Variants in SOCS5 observed in about 807,000 individuals in gnomAD.
SOCS5 encodes the protein suppressor of cytokine signaling 5.
In SOCS5, 32 loss-of-function variants were observed where a neutral mutation model predicts 42.8. That is an observed-to-expected ratio of 0.75 (90% CI 0.56 to 1.01). The LOEUF (loss-of-function observed/expected upper bound fraction) is 1.01, where lower values mean the gene tolerates loss of function less well. SOCS5 is among the 50% of genes least tolerant of loss of function. The pLI is 0.00. For synonymous variants in SOCS5, 283 were observed against 229.6 expected (o/e 1.23, Z -2.10); for missense variants, 627 against 653.0 (o/e 0.96, Z 0.43).
chr2:46,758,261 C>G (rs2103764647), intron 1 of SOCS5, among the ~76,000 whole-genome samples: 1 of 152,306 alleles, frequency 6.6e-6, no homozygotes, highest in African/African-American at 2.4e-5. Context: ...TTTTCTTTCA[C>G]CTGAGTTCAG....
chr2:46,734,133 ATAC>A (rs1673189225), intron 1 of SOCS5, among the ~76,000 whole-genome samples: 1 of 152,148 alleles, frequency 6.6e-6, no homozygotes, highest in Admixed American at 6.5e-5. Flanking sequence ...TTTGTCTCTG[ATAC>A]TTCTGTGGAG....
intron 1 of SOCS5, among the ~76,000 whole-genome samples, chr2:46,731,759 C>T (rs1673129886): frequency 6.6e-6 from 1 of 151,870 alleles, no homozygotes; most frequent in African/African-American, 2.4e-5. Context: ...AGGCACAACC[C>T]ATAAAAGTTT....
rs141471336 is a variant in SOCS5, at chr2:46,706,316, C to G, written c.-13+6867C>G. Reference sequence around the variant, plus strand: ...GTAGAGTTGGGACTAATGTGCTAGTCTTTTGATTGTTAATCCTAGACATTT... The same window carrying G: ...GTAGAGTTGGGACTAATGTGCTAGTGTTTTGATTGTTAATCCTAGACATTT... On this transcript the variant is annotated intron_variant, in intron 1 of 1. Transcript: ENST00000394861. 3.1e-3 allele frequency among the ~76,000 whole-genome samples: 473 copies of G among 152,246 alleles called. 4 individuals carry two copies. The highest frequency in any genetic ancestry group is 0.011 in the African/African-American group (461 of 41,534).
intron 1 of SOCS5, among the ~76,000 whole-genome samples, chr2:46,742,140 A>T (rs1296652298): frequency 6.6e-6 from 1 of 152,216 alleles, no homozygotes; most frequent in Admixed American, 6.5e-5. Flanking sequence ...TCTTTGACAA[A>T]TTCCAAGAAT....
At chr2:46,714,931 C>A (rs910557425) in intron 1 of SOCS5, among the ~76,000 whole-genome samples, 1 of 151,918 alleles carries the variant, frequency 6.6e-6, no homozygotes, top group Non-Finnish European at 1.5e-5. Flanking sequence ...ATTAGTTAAT[C>A]GTGATTTGCC....
chr2:46,704,090 A>G (rs1036419241), intron 1 of SOCS5, among the ~76,000 whole-genome samples: 3 of 152,202 alleles, frequency 2.0e-5, no homozygotes, highest in African/African-American at 7.2e-5. Flanking sequence ...TTAACACCAA[A>G]ATTAAATTTA....
At chr2:46,700,613 T>C (rs1228355487) in intron 1 of SOCS5, among the ~76,000 whole-genome samples, 1 of 152,164 alleles carries the variant, frequency 6.6e-6, no homozygotes, top group Non-Finnish European at 1.5e-5. Flanking sequence ...GGGAAGGAGG[T>C]GGTAAGCTAG....
intron 1 of SOCS5, 115 bp from the exon 2 acceptor site, chr2:46,758,404 C>T (rs1399525242): frequency 1.1e-5 from 8 of 705,290 alleles, no homozygotes; most frequent in African/African-American, 5.4e-5. Context: ...CGTAGGTGAA[C>T]GCTTGGCCAG....
At chr2:46,739,952 T>C (rs1328536626) in intron 1 of SOCS5, among the ~76,000 whole-genome samples, 1 of 152,212 alleles carries the variant, frequency 6.6e-6, no homozygotes, top group Non-Finnish European at 1.5e-5. Flanking sequence ...CAGGAGGATC[T>C]CCTCTCTCAG....
chr2:46,741,049 G>C (rs566387206), intron 1 of SOCS5, among the ~76,000 whole-genome samples: 9 of 152,192 alleles, frequency 5.9e-5, no homozygotes, highest in Middle Eastern at 3.4e-3. Flanking sequence ...CTGTATTTGC[G>C]ATTCCTTTCT....
chr2:46,760,075 A>G lies in SOCS5; in HGVS notation c.1545A>G (p.Lys515=). ...PLPSMLQDFL[K]EYHYKQKVRV... ...CCTCAATGTTACAGGATTTTTTAAA[A>G]GAGTATCATTATAAACAAAAAGTTA... The change falls in exon 2 of 2, where the codon AAA becomes AAG. Residue 515 remains lysine (K), a synonymous_variant. Transcript: ENST00000394861. 1 of 1,614,068 alleles carries G rather than the reference A, an allele frequency of 6.2e-7. No homozygotes were observed. Among genetic ancestry groups the G allele is most frequent in the Non-Finnish European group, 8.5e-7 (1 of 1,179,950 alleles).
chr2:46,728,999 A>G (rs944383616), intron 1 of SOCS5, among the ~76,000 whole-genome samples: 2 of 152,328 alleles, frequency 1.3e-5, no homozygotes, highest in Non-Finnish European at 2.9e-5. Flanking sequence ...CCTCAGATCT[A>G]CTGAATCAGA....
At chr2:46,736,020 C>T (rs145262235) in intron 1 of SOCS5, among the ~76,000 whole-genome samples, 170 of 151,554 alleles carry the variant, frequency 1.1e-3, no homozygotes, top group African/African-American at 3.8e-3. Flanking sequence ...CCTTCCCTCC[C>T]CTTCTGTACC....
intron 1 of SOCS5, among the ~76,000 whole-genome samples, chr2:46,703,524 A>G (rs1672392753): frequency 6.6e-6 from 1 of 152,234 alleles, no homozygotes; most frequent in South Asian, 2.1e-4. Context: ...CTTCAAGTCT[A>G]TTACATAATC....
intron 1 of SOCS5, among the ~76,000 whole-genome samples, chr2:46,720,986 T>C (rs1283252367): frequency 1.3e-5 from 2 of 152,180 alleles, no homozygotes; most frequent in African/African-American, 4.8e-5. Context: ...TCCTGCCTGC[T>C]CCTGCTTTCT....
At chr2:46,754,984 C>T (rs945103805) in intron 1 of SOCS5, among the ~76,000 whole-genome samples, 1 of 152,130 alleles carries the variant, frequency 6.6e-6, no homozygotes, top group African/African-American at 2.4e-5. Context: ...TAAACTGCCT[C>T]TTGTGCCTGA....
At chr2:46,726,746 T>C (rs1476405550) in intron 1 of SOCS5, among the ~76,000 whole-genome samples, 2 of 149,478 alleles carry the variant, frequency 1.3e-5, no homozygotes, top group Admixed American at 1.3e-4. Context: ...TAAATTATTA[T>C]TATTATTATT....
chr2:46,742,659 TTA>T (rs1673404121), intron 1 of SOCS5, among the ~76,000 whole-genome samples: 1 of 152,102 alleles, frequency 6.6e-6, no homozygotes. Context: ...ATAAGTTTTT[TTA>T]TGTTTACTAC....
intron 1 of SOCS5, among the ~76,000 whole-genome samples, chr2:46,752,090 A>T (rs72802468): frequency 0.063 from 9,541 of 152,202 alleles, 434 homozygotes; most frequent in Non-Finnish European, 0.1. Flanking sequence ...TAAAACATTT[A>T]CTGCCTGGCC....
Sources: gnomAD v4.1 joint callset for allele counts (sites outside exome capture counted in the v4.1 genomes callset) on GRCh38, gnomAD v4.1.1 for gene constraint, MANE v1.5 for transcripts, NCBI Gene and HGNC (gene_info 2026-07-23, HGNC 2026-07-21) for gene names.